SENP1: variants seen among roughly 807,000 people sequenced by gnomAD.
SENP1 encodes the protein SUMO specific peptidase 1.
In SENP1, 21 loss-of-function variants were observed where a neutral mutation model predicts 93.0. The ratio of observed to expected loss-of-function variants is 0.23; its 90% CI spans 0.16 to 0.33. SENP1 has a LOEUF of 0.33. SENP1 is among the 10% of genes least tolerant of loss of function. The probability of loss-of-function intolerance (pLI) is 1.00; values close to 1 mark genes in which losing one functional copy is unlikely to be tolerated. For synonymous variants in SENP1, 256 were observed against 259.6 expected (o/e 0.99, Z 0.13); for missense variants, 591 against 758.7 (o/e 0.78, Z 2.60).
chr12:48,082,696 T>C (rs1292296825), intron 6 of SENP1, among the ~76,000 whole-genome samples: 2 of 152,248 alleles, frequency 1.3e-5, no homozygotes, highest in African/African-American at 2.4e-5. Context: ...CTACATTACA[T>C]TCACAAAATT....
At chr12:48,056,245 AAT>A (rs1449695228) in intron 13 of SENP1, among the ~76,000 whole-genome samples, 1 of 117,700 alleles carries the variant, frequency 8.5e-6, no homozygotes, top group East Asian at 2.6e-4. Flanking sequence ...TTTTACATAT[AAT>A]ATATATTTTA....
chr12:48,048,003 G>C lies in SENP1; in HGVS notation c.1689C>G (p.Leu563=). Residue 563 remains leucine, a splice_region_variant and synonymous_variant, in exon 15 of 18, where the codon CTC becomes CTG. Transcript: ENST00000549518. Reference sequence around the variant, plus strand: ...TCTGTCCTCAACTCCCTACTTACAAGAGTATTCTGCAGGCTTCATTGTTTA... The same window carrying C: ...TCTGTCCTCAACTCCCTACTTACAACAGTATTCTGCAGGCTTCATTGTTTA... ...GGINNEACRI[L]LQYLKQESID... The C allele has an allele frequency of 6.3e-7, 1 of 1,595,514 alleles. No individual in the cohort carries two copies.
intron 2 of SENP1, among the ~76,000 whole-genome samples, chr12:48,099,824 T>C (rs1006133887): frequency 3.3e-5 from 5 of 152,140 alleles, no homozygotes; most frequent in Non-Finnish European, 7.4e-5. Flanking sequence ...ATAATAATAA[T>C]CTGCCTGAAC....
At chr12:48,065,912 G>A (rs1284957926) in intron 10 of SENP1, among the ~76,000 whole-genome samples, 2 of 152,044 alleles carry the variant, frequency 1.3e-5, no homozygotes, top group East Asian at 1.9e-4. Flanking sequence ...TACAGTGCCC[G>A]GGCTAGTCTC....
chr12:48,087,575 T>C (rs1053789684), intron 5 of SENP1, among the ~76,000 whole-genome samples: 7 of 152,190 alleles, frequency 4.6e-5, no homozygotes, highest in Admixed American at 1.3e-4. Flanking sequence ...AGGAAAAGGT[T>C]TGGAAGGAAA....
intron 8 of SENP1, 133 bp downstream of exon 8, chr12:48,074,191 T>C: frequency 1.3e-6 from 1 of 790,662 alleles, no homozygotes. Context: ...TTTTGGAACA[T>C]TTCGGACTTC....
chr12:48,074,417 A>G lies in SENP1; in HGVS notation c.847T>C (p.Ser283Pro), dbSNP rs1943920606. 6.2e-7 allele frequency: 1 copy of G among 1,613,724 alleles called. No individual in the cohort carries two copies. The highest frequency in any genetic ancestry group is 8.5e-7 in the Non-Finnish European group (1 of 1,179,684). ...TGATGAAGAGTACCAGAATCTTTGG[A>G]TCCAAATGCAACATCTGGGGTATAA... The part of the protein sequence containing the change: ...SSYTPDVAFG[S>P]KDSGTLHHPH... Residue 283 changes from serine (S) to proline (P), a missense_variant, in exon 8 of 18, where the codon TCC (serine) becomes CCC (proline). Coordinates refer to ENST00000549518, the MANE Select transcript of SENP1 (RefSeq NM_001267594.2).
At chr12:48,048,132 T>C in intron 14 of SENP1, 52 bp from the exon 15 acceptor site, 1 of 1,269,206 alleles carries the variant, frequency 7.9e-7, no homozygotes, top group Admixed American at 1.8e-5. Flanking sequence ...AAAATCGGTT[T>C]ATCAGTTTTT....
chr12:48,078,334 T>TATATATATATATACATATATATATAC lies in SENP1; in HGVS notation c.553-3542_553-3541insGTATATATATATGTATATATATATAT. 1.8e-4 allele frequency among the ~76,000 whole-genome samples: 12 copies of TATATATATATATACATATATATATAC among 67,896 alleles called. 1 individual carries two copies. Among genetic ancestry groups the TATATATATATATACATATATATATAC allele is most frequent in the African/African-American group, 5.8e-4 (12 of 20,562 alleles). 44.5% of individuals were successfully genotyped at this position (67,896 alleles called of 152,430 possible). A position where few individuals can be genotyped will look rare whatever the true frequency, so the allele number is the denominator to read the frequency against. Reference sequence around the variant, plus strand: ...GTAGGATTTTATATATATATATATATACACACACATATATATATACACACA... The same window carrying TATATATATATATACATATATATATAC: ...GTAGGATTTTATATATATATATATATATATATATATATACATATATATATACACACACACATATATATATACACACA... On this transcript the variant is annotated intron_variant, in intron 6 of 17. Transcript: ENST00000549518.
chr12:48,064,945 G>T, intron 12 of SENP1, 120 bp downstream of exon 12: 1 of 685,216 alleles, frequency 1.5e-6, no homozygotes, highest in South Asian at 1.9e-5. Flanking sequence ...CCAAAGTGAT[G>T]GGATTACAGG....
rs889513549 is a variant in SENP1, at chr12:48,097,851, G to C, written c.135+143C>G. On this transcript the variant is annotated intron_variant, in intron 3 of 17. Transcript: ENST00000549518. Reference sequence around the variant, plus strand: ...TGTCTTAATTTTAATATATAGAGCAGAATTCCAAACACTAAAATTACTGAT... The same window carrying C: ...TGTCTTAATTTTAATATATAGAGCACAATTCCAAACACTAAAATTACTGAT... The C allele has an allele frequency of 3.7e-5, 27 of 727,238 alleles. No individual in the cohort carries two copies. In the African/African-American group the frequency reaches 4.4e-4, roughly 12 times the overall value. 45.0% of individuals were successfully genotyped at this position (727,238 alleles called of 1,614,324 possible).
intron 13 of SENP1, 43 bp downstream of exon 13, chr12:48,063,667 C>G: frequency 6.3e-7 from 1 of 1,584,932 alleles, no homozygotes; most frequent in Non-Finnish European, 8.6e-7. Flanking sequence ...TTAACTGCCA[C>G]TTAATGTTTA....
intron 6 of SENP1, among the ~76,000 whole-genome samples, chr12:48,080,808 A>G (rs952381643): frequency 1.3e-5 from 2 of 152,216 alleles, no homozygotes; most frequent in African/African-American, 4.8e-5. Flanking sequence ...CTTGACTTTC[A>G]TATTAGGAGA....
Position 48,074,610 on chromosome 12 carries a change from A to G in SENP1, c.657-3T>C. Reference sequence around the variant, plus strand: ...TACTGGAACTAAGACATCGAGACCTAGCAAGAGAAGAATATTGTTTCAATA... The same window carrying G: ...TACTGGAACTAAGACATCGAGACCTGGCAAGAGAAGAATATTGTTTCAATA... On this transcript the variant is annotated splice_polypyrimidine_tract_variant and splice_region_variant and intron_variant, in intron 7 of 17. Transcript: ENST00000549518. The G allele has an allele frequency of 6.2e-7, 1 of 1,610,976 alleles. No individual in the cohort carries two copies. The highest frequency in any genetic ancestry group is 1.7e-4 in the Middle Eastern group (1 of 6,058).
At chr12:48,050,357 G>A (rs1476772021) in intron 13 of SENP1, among the ~76,000 whole-genome samples, 5 of 152,202 alleles carry the variant, frequency 3.3e-5, no homozygotes, top group African/African-American at 1.2e-4. Flanking sequence ...GGAACACACC[G>A]GAGCACGGTC....
intron 5 of SENP1, among the ~76,000 whole-genome samples, chr12:48,087,650 T>C (rs74086968): frequency 0.029 from 4,359 of 152,312 alleles, 211 homozygotes; most frequent in African/African-American, 0.097. Context: ...TTGCTGGTAA[T>C]GTGTTGATTT....
Position 48,065,112 on chromosome 12 carries a change from C to T in SENP1, c.1228G>A (p.Gly410Ser). The change falls in exon 12 of 18, where the codon GGT becomes AGT. Residue 410 changes from glycine to serine, a missense_variant. Physicochemically the swap from Gly to Ser is moderately conservative, Grantham distance 56. Coordinates refer to ENST00000549518, the MANE Select transcript of SENP1 (RefSeq NM_001267594.2). ...VTVVQETQKK[G>S]HKLTDSEDEF... ...TCTTCACTATCAGTTAATTTATGACCTTTTTTTTGTGTTTCTTGGACAACA... is the reference window on the plus strand; with the variant it reads ...TCTTCACTATCAGTTAATTTATGACTTTTTTTTTGTGTTTCTTGGACAACA... The T allele has an allele frequency of 6.2e-7, 1 of 1,606,028 alleles. No individual in the cohort carries two copies.
intron 9 of SENP1, among the ~76,000 whole-genome samples, chr12:48,070,785 G>A (rs2137011726): frequency 6.6e-6 from 1 of 152,288 alleles, no homozygotes; most frequent in African/African-American, 2.4e-5. Context: ...ATTGCAGCAT[G>A]GAAGATGGAC....
chr12:48,058,193 G>A (rs1320824446), intron 13 of SENP1, among the ~76,000 whole-genome samples: 3 of 151,786 alleles, frequency 2.0e-5, no homozygotes, highest in African/African-American at 7.3e-5. Flanking sequence ...TGATCCACCC[G>A]CCTCGGCCTC....
Sources: allele counts gnomAD v4.1 joint callset (sites outside exome capture counted in the v4.1 genomes callset), GRCh38; gene constraint gnomAD v4.1.1; transcripts MANE v1.5; gene names NCBI Gene and HGNC (gene_info 2026-07-23, HGNC 2026-07-21).